The following UBR4 variants were observed in gnomAD, a reference collection of about 807,000 sequenced individuals.
The protein encoded by UBR4 is E3 ubiquitin-protein ligase UBR4.
A neutral mutation model predicts 575.6 loss-of-function variants in UBR4; 124 were observed. That is an observed-to-expected ratio of 0.22 (90% CI 0.19 to 0.25). The LOEUF (loss-of-function observed/expected upper bound fraction) is 0.25, where lower values mean the gene tolerates loss of function less well. Ranked by LOEUF, UBR4 falls within the 10% of genes least tolerant of loss-of-function variation. UBR4 has a pLI of 1.00. For missense variants in UBR4, 4,818 were observed against 6,478.8 expected (o/e 0.74, Z 8.80); for synonymous variants, 2,455 against 2,473.7 (o/e 0.99, Z 0.22).
Position 19,120,098 on chromosome 1 carries a change from G to A in UBR4, c.10310+82C>T, listed in dbSNP as rs1361681081. 4 of 1,506,542 alleles carry A rather than the reference G, an allele frequency of 2.7e-6. No individual in the cohort carries two copies. In the African/African-American group the frequency reaches 5.5e-5, roughly 21 times the overall value. 93.3% of individuals were successfully genotyped at this position (1,506,542 alleles called of 1,614,324 possible). A position where few individuals can be genotyped will look rare whatever the true frequency, so the allele number is the denominator to read the frequency against. On this transcript the variant is annotated intron_variant, in intron 69 of 105. Transcript: ENST00000375254. Reference sequence around the variant, plus strand: ...GTAACTACTGACTCTGTGACCATATGTAACCGAAAACAAAATAGAACTGCA... The same window carrying A: ...GTAACTACTGACTCTGTGACCATATATAACCGAAAACAAAATAGAACTGCA...
At chr1:19,165,818 T>C (rs929765535) in intron 29 of UBR4, 61 bp from the exon 30 acceptor site, 21 of 1,393,330 alleles carry the variant, frequency 1.5e-5, no homozygotes, top group East Asian at 2.4e-5. Flanking sequence ...GTCCTCCTTA[T>C]GGTGATTTAT....
At chr1:19,102,186 C>T (rs999848477) in intron 87 of UBR4, among the ~76,000 whole-genome samples, 2 of 152,104 alleles carry the variant, frequency 1.3e-5, no homozygotes, top group Admixed American at 6.6e-5. Context: ...GGCAATGTGG[C>T]GAAATGCCAT....
intron 103 of UBR4, 173 bp downstream of exon 103, chr1:19,081,176 T>G (rs1261787934): frequency 1.0e-5 from 6 of 598,796 alleles, no homozygotes. Flanking sequence ...CCAGGCAACC[T>G]GCCAGCCATC....
intron 1 of UBR4, among the ~76,000 whole-genome samples, chr1:19,208,914 A>G (rs1018361435): frequency 6.6e-6 from 1 of 152,230 alleles, no homozygotes; most frequent in African/African-American, 2.4e-5. Context: ...ATTTGAAAGT[A>G]GTATATTTGA....
chr1:19,148,076 G>A lies in UBR4; in HGVS notation c.7546C>T (p.Pro2516Ser). Residue 2516 changes from proline (P) to serine (S), a missense_variant, in exon 51 of 106, where the codon CCA (proline) becomes TCA (serine). Pro to Ser is a moderately conservative substitution (Grantham distance 74). This residue lies in a region of UBR4 where 340 missense variants were observed against 375.4 expected (regional missense o/e 0.91). Transcript: ENST00000375254. ...TGCTGCTGGACACTGGCAGGTGCTG[G>A]CAGGGACAACAGCAAAGTGGCCAGC... ...QELATLLLSL[P>S]APASVQQQSK... 6.2e-7 allele frequency: 1 copy of A among 1,611,350 alleles called. No individual in the cohort carries two copies. Among genetic ancestry groups the A allele is most frequent in the Non-Finnish European group, 8.5e-7 (1 of 1,179,920 alleles).
At position 19,187,317 on chromosome 1, in the gene UBR4, T is replaced by C; in HGVS notation, c.1495-16A>G. On this transcript the variant is annotated splice_polypyrimidine_tract_variant and intron_variant, in intron 12 of 105. Transcript: ENST00000375254. Reference sequence around the variant, plus strand: ...TCTCCCAACCCTGAAGGCAATGATATCAAAGGGCAATTAATGATACTACTC... The same window carrying C: ...TCTCCCAACCCTGAAGGCAATGATACCAAAGGGCAATTAATGATACTACTC... 1.9e-6 allele frequency: 3 copies of C among 1,611,430 alleles called. No individual in the cohort carries two copies. Among genetic ancestry groups the C allele is most frequent in the Non-Finnish European group, 2.5e-6 (3 of 1,178,072 alleles).
chr1:19,110,396 C>A lies in UBR4; in HGVS notation c.11961G>T (p.Glu3987Asp). The change falls in exon 80 of 106, where the codon GAG (glutamate) becomes GAT (aspartate). Residue 3987 changes from glutamate to aspartate, a missense_variant. Physicochemically the swap from Glu to Asp is conservative, Grantham distance 45. Around this residue, in one of 29 missense-constraint regions of UBR4, gnomAD observed 333 missense variants for 459.2 expected, o/e 0.73. Transcript: ENST00000375254. The surrounding 1 kb of genome is among the most constrained non-coding windows in gnomAD (Gnocchi z 4.5). Reference protein sequence around the residue: ...DSISKEDSCWELRLRCALSLF... With the variant: ...DSISKEDSCWDLRLRCALSLF... Reference sequence around the variant, plus strand: ...CTAACTCACCACAGCGTAACCGGAGCTCCCAGCAGCTGTCCTCCTTGGAGA... The same window carrying A: ...CTAACTCACCACAGCGTAACCGGAGATCCCAGCAGCTGTCCTCCTTGGAGA... 1.2e-6 allele frequency: 2 copies of A among 1,614,210 alleles called. No homozygotes were observed. The highest frequency in any genetic ancestry group is 1.7e-6 in the Non-Finnish European group (2 of 1,180,030).
rs1164315249 is a variant in UBR4, at chr1:19,148,419, T to C, written c.7494+144A>G. ...GAAAAGTAGGACATAGGCCTTAAGC[T>C]GAAGACTTCTCTGGAGCTTCTTAGC... On this transcript the variant is annotated intron_variant, in intron 50 of 105. Transcript: ENST00000375254. The C allele has an allele frequency of 4.4e-6, 5 of 1,128,938 alleles. No individual in the cohort carries two copies. In the East Asian group the frequency reaches 9.4e-5, roughly 21 times the overall value. The allele number at this position is 1,128,938 out of a possible 1,614,324, so 69.9% of individuals were successfully genotyped here. A position where few individuals can be genotyped will look rare whatever the true frequency, so the allele number is the denominator to read the frequency against.
At chr1:19,169,414 C>A in intron 27 of UBR4, 21 bp downstream of exon 27, 1 of 1,603,326 alleles carries the variant, frequency 6.2e-7, no homozygotes, top group Non-Finnish European at 8.5e-7. Flanking sequence ...TATTTCTACC[C>A]TGGAACAGAT....
Position 19,196,734 on chromosome 1 carries a change from G to C in UBR4, c.1018+407C>G, listed in dbSNP as rs149097161. On this transcript the variant is annotated intron_variant, in intron 8 of 105. Coordinates refer to ENST00000375254, the MANE Select transcript of UBR4 (RefSeq NM_020765.3). ...TCAATCCCTCTCTTCTCTGTGTACC[G>C]AAAATATTCTATACTTCTATTGCCT... 2.6e-3 allele frequency among the ~76,000 whole-genome samples: 400 copies of C among 152,236 alleles called. 2 individuals are homozygous for C. Among genetic ancestry groups the C allele is most frequent in the African/African-American group, 8.9e-3 (371 of 41,526 alleles).
chr1:19,177,771 T>C (rs766548788), intron 18 of UBR4, 28 bp from the exon 19 acceptor site: 1 of 1,600,226 alleles, frequency 6.2e-7, no homozygotes, highest in East Asian at 2.2e-5. Flanking sequence ...TGACTATATC[T>C]GGTGGGAAAA....
At chr1:19,176,503 A>C in intron 20 of UBR4, 89 bp downstream of exon 20, 1 of 1,507,620 alleles carries the variant, frequency 6.6e-7, no homozygotes, top group Non-Finnish European at 9.0e-7. Context: ...CAAATGACCA[A>C]AGATCCTCCA....
intron 1 of UBR4, among the ~76,000 whole-genome samples, chr1:19,206,269 T>C (rs958824939): frequency 2.0e-5 from 3 of 152,066 alleles, no homozygotes; most frequent in African/African-American, 7.2e-5. Context: ...CCCAGGAGTT[T>C]GAGGCTGTAG....
At chr1:19,146,449 T>C (rs988009653) in intron 52 of UBR4, among the ~76,000 whole-genome samples, 2 of 152,204 alleles carry the variant, frequency 1.3e-5, no homozygotes, top group Admixed American at 1.3e-4. Flanking sequence ...CTACACATTA[T>C]TAATAATAGC....
At position 19,089,037 on chromosome 1, in the gene UBR4, G is replaced by A. The variant is rs373106233; in HGVS notation, c.14212-60C>T. ...AATTATGTAGACAAACCTTCTTCCC[G>A]GGAGCTTAAAGGTTTAGAAACTCAA... On this transcript the variant is annotated intron_variant, in intron 97 of 105. Transcript: ENST00000375254. The surrounding 1 kb of genome is among the most constrained non-coding windows in gnomAD (Gnocchi z 4.3). The A allele has an allele frequency of 9.3e-5, 144 of 1,556,370 alleles. No homozygotes were observed. In the South Asian group the frequency reaches 1.4e-3, roughly 15 times the overall value.
chr1:19,186,501 A>G (rs926731578), intron 14 of UBR4, 39 bp downstream of exon 14: 3 of 1,587,522 alleles, frequency 1.9e-6, no homozygotes, highest in Middle Eastern at 1.8e-4. Context: ...GTTGCACTCT[A>G]TAGCTTATCT....
chr1:19,151,619 C>T, intron 48 of UBR4, 24 bp downstream of exon 48: 2 of 1,613,496 alleles, frequency 1.2e-6, no homozygotes, highest in Non-Finnish European at 1.7e-6. Context: ...AGGACAGAGT[C>T]TGCACCAGGG....
intron 65 of UBR4, 73 bp from the exon 66 acceptor site, chr1:19,123,133 C>G (rs2081351683): frequency 2.0e-6 from 3 of 1,505,658 alleles, no homozygotes; most frequent in Admixed American, 3.8e-5. Flanking sequence ...CTCTCACACC[C>G]TGGGTTTTAA....
chr1:19,126,722 G>A (rs1382660960), intron 63 of UBR4, 67 bp from the exon 64 acceptor site: 32 of 1,547,030 alleles, frequency 2.1e-5, no homozygotes, highest in Non-Finnish European at 2.4e-5. Context: ...ATCCAGGTGG[G>A]TGTTGGGGAT....
Sources: allele counts gnomAD v4.1 joint callset (sites outside exome capture counted in the v4.1 genomes callset), GRCh38; gene constraint gnomAD v4.1.1; regional missense constraint gnomAD v4.1.1; non-coding constraint Gnocchi (gnomAD v3.1); transcripts MANE v1.5; gene names NCBI Gene and HGNC (gene_info 2026-07-23, HGNC 2026-07-21).